The following FAF1 variants were observed in gnomAD, a reference collection of about 807,000 sequenced individuals.
FAF1 encodes FAS-associated factor 1.
In FAF1, 25 loss-of-function variants were observed where a neutral mutation model predicts 92.5. That is an observed-to-expected ratio of 0.27 (90% confidence interval 0.20 to 0.38). The LOEUF is 0.38. FAF1 is among the 10% of genes least tolerant of loss of function. The pLI, the probability that FAF1 is intolerant of heterozygous loss-of-function variation, is 1.00. For synonymous variants in FAF1, 234 were observed against 273.2 expected (o/e 0.86, Z 1.42); for missense variants, 636 against 793.3 (o/e 0.80, Z 2.38).
intron 18 of FAF1, among the ~76,000 whole-genome samples, chr1:50,447,407 G>A (rs1490997776): frequency 6.6e-6 from 1 of 152,116 alleles, no homozygotes; most frequent in East Asian, 1.9e-4. Context: ...TTACAGGCGT[G>A]AGCCACCGCG....
In FAF1 at chr1:50,539,574, T is replaced by A; in HGVS notation, c.1405+18A>T. The A allele has an allele frequency of 6.2e-7, 1 of 1,602,152 alleles. No homozygotes were observed. Among genetic ancestry groups the A allele is most frequent in the Non-Finnish European group, 8.5e-7 (1 of 1,171,870 alleles). On this transcript the variant is annotated intron_variant, in intron 14 of 18. Transcript: ENST00000396153. ...ACATACCAGGAAGGCTTTACTCTCC[T>A]TGTGACATGTACTTTACCTTGTATC...
rs148979307 is a variant in FAF1, at chr1:50,739,335, C to T, written c.460-381G>A. Reference sequence around the variant, plus strand: ...GCATATACATGTGTACATGTGTACACGTACATGCATATACATGTGTACATG... The same window carrying T: ...GCATATACATGTGTACATGTGTACATGTACATGCATATACATGTGTACATG... On this transcript the variant is annotated intron_variant, in intron 5 of 18. Coordinates refer to ENST00000396153, the MANE Select transcript of FAF1 (RefSeq NM_007051.3). Among the ~76,000 whole-genome samples, 1,518 of 151,930 alleles carry T rather than the reference C, an allele frequency of 1.0e-2. 22 individuals carry two copies. Among genetic ancestry groups the T allele is most frequent in the African/African-American group, 0.035 (1,432 of 41,432 alleles).
intron 1 of FAF1, among the ~76,000 whole-genome samples, chr1:50,887,510 G>A (rs1644677729): frequency 6.6e-6 from 1 of 152,156 alleles, no homozygotes; most frequent in Admixed American, 6.5e-5. Flanking sequence ...ATGGTTTTAG[G>A]TCTAATAATT....
intron 7 of FAF1, 52 bp from the exon 8 acceptor site, chr1:50,655,580 C>G: frequency 8.7e-7 from 1 of 1,144,164 alleles, no homozygotes; most frequent in Middle Eastern, 2.0e-4. Flanking sequence ...ACATGACTTA[C>G]AGTTTCCAAT....
chr1:50,464,389 T>C (rs1460263408), intron 18 of FAF1, among the ~76,000 whole-genome samples: 2 of 152,208 alleles, frequency 1.3e-5, no homozygotes, highest in African/African-American at 4.8e-5. Context: ...AGTGTGGTTA[T>C]GTGACTTGCC....
At chr1:50,891,337 C>G (rs1448545642) in intron 1 of FAF1, among the ~76,000 whole-genome samples, 1 of 152,146 alleles carries the variant, frequency 6.6e-6, no homozygotes, top group African/African-American at 2.4e-5. Flanking sequence ...GTTTGGTCTT[C>G]TGAAGCCTTC....
At chr1:50,606,585 C>T (rs1415226466) in intron 8 of FAF1, among the ~76,000 whole-genome samples, 2 of 150,210 alleles carry the variant, frequency 1.3e-5, no homozygotes, top group African/African-American at 2.5e-5. Context: ...CCACAACCTC[C>T]GCCTCCCAGG....
intron 1 of FAF1, among the ~76,000 whole-genome samples, chr1:50,918,091 G>A (rs1644933702): frequency 6.6e-6 from 1 of 151,646 alleles, no homozygotes; most frequent in Non-Finnish European, 1.5e-5. Flanking sequence ...TACAGGAGTG[G>A]GCCACCACAC....
intron 8 of FAF1, among the ~76,000 whole-genome samples, chr1:50,599,515 T>A (rs1651993242): frequency 6.6e-6 from 1 of 152,212 alleles, no homozygotes; most frequent in African/African-American, 2.4e-5. Flanking sequence ...AATCTCCAGT[T>A]CCATTTACTC....
At chr1:50,566,001 A>G (rs2149055764) in intron 13 of FAF1, among the ~76,000 whole-genome samples, 1 of 152,240 alleles carries the variant, frequency 6.6e-6, no homozygotes, top group East Asian at 1.9e-4. Context: ...ACCTGATTTA[A>G]TTTAAACAAA....
intron 1 of FAF1, among the ~76,000 whole-genome samples, chr1:50,869,925 T>C (rs1227223066): frequency 1.3e-5 from 2 of 152,228 alleles, no homozygotes; most frequent in Non-Finnish European, 2.9e-5. Flanking sequence ...GCTTCTCCTG[T>C]GGTATATAAC....
chr1:50,806,172 C>CAAGTCAATAAGAAAATGGGGGA (rs369142458), intron 2 of FAF1, among the ~76,000 whole-genome samples: 2 of 151,790 alleles, frequency 1.3e-5, no homozygotes. Flanking sequence ...CTTAACAAGA[C>CAAGTCAATAAGAAAATGGGGGA]AAGTCAATAA....
At chr1:50,644,323 TG>T (rs1654480653) in intron 8 of FAF1, among the ~76,000 whole-genome samples, 1 of 152,232 alleles carries the variant, frequency 6.6e-6, no homozygotes, top group African/African-American at 2.4e-5. Flanking sequence ...AATGTGTAGT[TG>T]GAAGAAACTT....
chr1:50,497,904 GA>G (rs1223962609), intron 15 of FAF1, among the ~76,000 whole-genome samples: 2 of 151,984 alleles, frequency 1.3e-5, no homozygotes, highest in Non-Finnish European at 2.9e-5. Flanking sequence ...TACAGAAACA[GA>G]AAAACCCATC....
chr1:50,545,432 C>A (rs1464438349), intron 13 of FAF1, among the ~76,000 whole-genome samples: 1 of 152,010 alleles, frequency 6.6e-6, no homozygotes, highest in East Asian at 1.9e-4. Flanking sequence ...CCATGCCTGG[C>A]TAATTTTTGT....
At chr1:50,675,719 A>G (rs1172876353) in intron 7 of FAF1, among the ~76,000 whole-genome samples, 1 of 152,272 alleles carries the variant, frequency 6.6e-6, no homozygotes, top group Non-Finnish European at 1.5e-5. Context: ...TGCAGGAGAA[A>G]TACAAAGATA....
chr1:50,550,893 A>T (rs543232044), intron 13 of FAF1, among the ~76,000 whole-genome samples: 1 of 152,362 alleles, frequency 6.6e-6, no homozygotes, highest in Non-Finnish European at 1.5e-5. Flanking sequence ...TCAGAAAATG[A>T]GAACTGTAAA....
intron 2 of FAF1, among the ~76,000 whole-genome samples, chr1:50,840,493 A>T (rs1239457514): frequency 1.3e-5 from 2 of 152,060 alleles, no homozygotes; most frequent in African/African-American, 2.4e-5. Context: ...AGAACACAGG[A>T]AGATTTATAA....
intron 2 of FAF1, among the ~76,000 whole-genome samples, chr1:50,812,201 A>G (rs766171032): frequency 4.6e-5 from 7 of 152,240 alleles, no homozygotes; most frequent in Admixed American, 1.3e-4. Flanking sequence ...AAAAATGACC[A>G]ATGAGACATA....
Sources: allele counts gnomAD v4.1 joint callset (sites outside exome capture counted in the v4.1 genomes callset), GRCh38; gene constraint gnomAD v4.1.1; transcripts MANE v1.5; gene names NCBI Gene and HGNC (gene_info 2026-07-23, HGNC 2026-07-21).